The following CUL3 variants were observed in gnomAD, a reference collection of about 807,000 sequenced individuals.
The protein encoded by CUL3 is cullin-3.
Under a neutral mutation model 89.1 loss-of-function variants are expected in CUL3, and 19 were observed. The observed-to-expected ratio is 0.21, with a 90% CI of 0.15 to 0.31. CUL3 has a LOEUF of 0.31. Ranked by LOEUF, CUL3 falls within the 10% of genes least tolerant of loss-of-function variation. CUL3 has a pLI of 1.00. For missense variants in CUL3, 469 were observed against 942.3 expected (o/e 0.50, Z 6.58); for synonymous variants, 351 against 308.4 (o/e 1.14, Z -1.45).
Position 224,500,396 on chromosome 2 carries a change from G to C in CUL3, c.1577C>G (p.Pro526Arg). The change falls in exon 11 of 16, where the codon CCA (proline) becomes CGA (arginine). Residue 526 changes from proline to arginine, a missense_variant. Pro to Arg is a moderately radical substitution (Grantham distance 103). Around this residue, in one of 4 missense-constraint regions of CUL3, gnomAD observed 370 missense variants for 733.2 expected, o/e 0.50. Coordinates refer to ENST00000264414, the MANE Select transcript of CUL3 (RefSeq NM_003590.5). ...TATCTCAAAAGCATGTCTTGGTGCT[G>C]GTGGGATGTTGCACTTTGGTGTGGC... The part of the protein sequence containing the change: ...QSATPKCNIP[P>R]APRHAFEIFR... 1 of 1,614,026 alleles carries C rather than the reference G, an allele frequency of 6.2e-7. No homozygotes were observed. Among genetic ancestry groups the C allele is most frequent in the Non-Finnish European group, 8.5e-7 (1 of 1,179,974 alleles).
intron 2 of CUL3, among the ~76,000 whole-genome samples, chr2:224,541,143 G>A (rs1008288630): frequency 1.3e-5 from 2 of 151,354 alleles, no homozygotes; most frequent in African/African-American, 2.4e-5. Flanking sequence ...CTTTTGTTCT[G>A]TAGACACCAC....
At chr2:224,541,858 T>C (rs145523211) in intron 2 of CUL3, among the ~76,000 whole-genome samples, 6 of 151,826 alleles carry the variant, frequency 4.0e-5, no homozygotes, top group South Asian at 2.1e-4. Context: ...TCCAAAACTA[T>C]AGTGTTAAGA....
At chr2:224,541,583 G>C (rs1403088738) in intron 2 of CUL3, among the ~76,000 whole-genome samples, 1 of 152,166 alleles carries the variant, frequency 6.6e-6, no homozygotes, top group African/African-American at 2.4e-5. Context: ...ACAGAGAAAT[G>C]AAAACTTACA....
rs1182353793 is a variant in CUL3 at position 224,535,665 on chromosome 2, T to A, written c.265-24A>T. The A allele has an allele frequency of 2.1e-6, 3 of 1,441,576 alleles. No individual in the cohort carries two copies. In the South Asian group the frequency reaches 3.4e-5, roughly 17 times the overall value. 89.3% of individuals were successfully genotyped at this position (1,441,576 alleles called of 1,614,324 possible). A position where few individuals can be genotyped will look rare whatever the true frequency, so the allele number is the denominator to read the frequency against. On this transcript the variant is annotated intron_variant, in intron 2 of 15. Transcript: ENST00000264414. ...ACCTAGTAACAGAAGAGTTCATTAGTTTGCACACACACATCCACACACTCG... is the reference window on the plus strand; with the variant it reads ...ACCTAGTAACAGAAGAGTTCATTAGATTGCACACACACATCCACACACTCG...
At chr2:224,555,178 T>C (rs1313909635) in intron 2 of CUL3, among the ~76,000 whole-genome samples, 4 of 150,318 alleles carry the variant, frequency 2.7e-5, no homozygotes, top group South Asian at 2.2e-4. Context: ...TTCTAAGGTA[T>C]CTTCCAAGGA....
intron 13 of CUL3, among the ~76,000 whole-genome samples, chr2:224,491,172 T>C (rs1691961662): frequency 6.6e-6 from 1 of 152,138 alleles, no homozygotes. Context: ...TAAAAATATA[T>C]ATATTTTGGA....
At chr2:224,543,894 AG>A (rs1277267461) in intron 2 of CUL3, among the ~76,000 whole-genome samples, 1 of 152,110 alleles carries the variant, frequency 6.6e-6, no homozygotes, top group African/African-American at 2.4e-5. Flanking sequence ...CTGAGGTGGG[AG>A]GATCACTTAA....
intron 3 of CUL3, among the ~76,000 whole-genome samples, chr2:224,524,015 C>T (rs1382586087): frequency 3.9e-5 from 6 of 152,134 alleles, no homozygotes; most frequent in South Asian, 4.1e-4. Context: ...ACAATGTGAA[C>T]GTACACTTAA....
intron 6 of CUL3, 85 bp downstream of exon 6, chr2:224,511,269 T>C (rs1692816030): frequency 1.1e-6 from 1 of 928,694 alleles, no homozygotes. Flanking sequence ...AAAGCTGATA[T>C]TATCTGCTTT....
chr2:224,506,255 TAC>T (rs942466341), intron 7 of CUL3, 123 bp from the exon 8 acceptor site: 8 of 634,652 alleles, frequency 1.3e-5, no homozygotes, highest in South Asian at 3.3e-5. Flanking sequence ...TTTTTAAACT[TAC>T]AGTTTTGATA....
At chr2:224,482,109 C>T in intron 13 of CUL3, 31 bp from the exon 14 acceptor site, 2 of 1,546,592 alleles carry the variant, frequency 1.3e-6, no homozygotes, top group South Asian at 2.6e-5. Flanking sequence ...CATAATTAGA[C>T]TTTTTGAAAG....
chr2:224,563,947 T>C (rs554706800), intron 1 of CUL3, among the ~76,000 whole-genome samples: 1 of 151,492 alleles, frequency 6.6e-6, no homozygotes, highest in African/African-American at 2.4e-5. Context: ...CTCTACTTAA[T>C]AAGGAAAAAA....
At chr2:224,487,447 A>C (rs1288179401) in intron 13 of CUL3, among the ~76,000 whole-genome samples, 166 of 133,498 alleles carry the variant, frequency 1.2e-3, no homozygotes, top group Non-Finnish European at 1.8e-3. Flanking sequence ...CCCCCCCAAA[A>C]AAAAAAAAAA....
intron 2 of CUL3, among the ~76,000 whole-genome samples, chr2:224,546,330 C>A (rs930239607): frequency 6.6e-6 from 1 of 152,072 alleles, no homozygotes; most frequent in Admixed American, 6.6e-5. Flanking sequence ...TGATCTGGTT[C>A]TAAGCCGACA....
intron 2 of CUL3, among the ~76,000 whole-genome samples, chr2:224,543,564 G>T (rs776670500): frequency 6.6e-6 from 1 of 152,100 alleles, no homozygotes; most frequent in Non-Finnish European, 1.5e-5. Context: ...GATTTTTTCA[G>T]ATTTTCGGTT....
At chr2:224,535,034 A>G (rs1693834436) in intron 3 of CUL3, among the ~76,000 whole-genome samples, 1 of 148,974 alleles carries the variant, frequency 6.7e-6, no homozygotes, top group South Asian at 2.1e-4. Flanking sequence ...ATAAATAAAT[A>G]AATAAATAAA....
At position 224,501,517 on chromosome 2, in the gene CUL3, T is replaced by G. The variant is rs550765145; in HGVS notation, c.1486-1030A>C. ...ATTCAGGATGTGTTATAAACCATCA[T>G]TCCATTTTTATCTTACCTCAATGAT... On this transcript the variant is annotated intron_variant, in intron 10 of 15. Coordinates refer to ENST00000264414, the MANE Select transcript of CUL3 (RefSeq NM_003590.5). Among the ~76,000 whole-genome samples the G allele has an allele frequency of 1.1e-3, 167 of 152,386 alleles. 2 individuals are homozygous for G. Among genetic ancestry groups the G allele is most frequent in the African/African-American group, 3.9e-3 (164 of 41,602 alleles).
intron 10 of CUL3, among the ~76,000 whole-genome samples, chr2:224,500,992 C>T (rs1454925365): frequency 1.3e-5 from 2 of 152,122 alleles, no homozygotes; most frequent in South Asian, 4.1e-4. Flanking sequence ...TGGCAAATAG[C>T]TTAATTATTG....
chr2:224,565,331 C>T (rs1017225475), intron 1 of CUL3, among the ~76,000 whole-genome samples: 5 of 152,160 alleles, frequency 3.3e-5, no homozygotes, highest in Non-Finnish European at 7.4e-5. Context: ...CTGGTCTTCA[C>T]ATTCAGTAGG....
Sources: allele counts gnomAD v4.1 joint callset (sites outside exome capture counted in the v4.1 genomes callset), GRCh38; gene constraint gnomAD v4.1.1; regional missense constraint gnomAD v4.1.1; transcripts MANE v1.5; gene names NCBI Gene and HGNC (gene_info 2026-07-23, HGNC 2026-07-21).